The following GNB1L variants were observed in gnomAD, a reference collection of about 807,000 sequenced individuals.
GNB1L encodes the protein G protein subunit beta 1 like.
GNB1L carries 20 observed loss-of-function variants against 29.1 expected under a neutral mutation model. The observed-to-expected ratio is 0.69, with a 90% CI of 0.48 to 1.00. GNB1L has a LOEUF of 1.00. Among genes scored for constraint, GNB1L ranks in the 50% least tolerant of loss-of-function variants. GNB1L has a pLI of 0.00. For missense variants in GNB1L, 421 were observed against 464.9 expected, an observed-to-expected ratio of 0.91 and a Z score of 0.87; for synonymous variants, 193 against 206.5, an observed-to-expected ratio of 0.93 and a Z score of 0.56.
intron 2 of GNB1L, among the ~76,000 whole-genome samples, chr22:19,829,510 T>A (rs541104657): frequency 3.9e-5 from 6 of 152,188 alleles, no homozygotes. Flanking sequence ...TGAAAAATAC[T>A]ACGTACCAAT....
chr22:19,848,815 TC>T (rs1343962536), intron 2 of GNB1L: 6 of 985,218 alleles, frequency 6.1e-6, no homozygotes, highest in Non-Finnish European at 6.0e-6. Context: ...AAGGCAGCAA[TC>T]CCAGGCTGGA....
intron 2 of GNB1L, chr22:19,850,035 C>G (rs981584032): frequency 1.0e-6 from 1 of 985,782 alleles, no homozygotes. Context: ...CTACAGCTCT[C>G]GGAAGTCAGT....
chr22:19,845,260 T>A (rs1937936016), intron 2 of GNB1L, among the ~76,000 whole-genome samples: 1 of 152,202 alleles, frequency 6.6e-6, no homozygotes, highest in African/African-American at 2.4e-5. Flanking sequence ...CTTGCCCACA[T>A]CCACAGACAT....
intron 2 of GNB1L, among the ~76,000 whole-genome samples, chr22:19,829,498 A>T (rs57622806): frequency 0.015 from 2,300 of 152,300 alleles, 50 homozygotes; most frequent in African/African-American, 0.051. Context: ...ATTTTTTTAA[A>T]ATGAAAAATA....
intron 5 of GNB1L, among the ~76,000 whole-genome samples, chr22:19,810,270 C>A (rs1045281829): frequency 1.3e-5 from 2 of 152,108 alleles, no homozygotes; most frequent in Non-Finnish European, 2.9e-5. Context: ...ACACAGTCCC[C>A]AACCAAGGAA....
chr22:19,820,912 C>T (rs532014981), intron 3 of GNB1L, among the ~76,000 whole-genome samples, 189 bp from the exon 4 acceptor site: 5 of 152,170 alleles, frequency 3.3e-5, no homozygotes, highest in South Asian at 2.1e-4. Flanking sequence ...GAGAGGGGAC[C>T]GGGGGACCCT....
intron 2 of GNB1L, among the ~76,000 whole-genome samples, chr22:19,840,043 AAC>A (rs1327052899): frequency 6.7e-6 from 1 of 150,150 alleles, no homozygotes; most frequent in Non-Finnish European, 1.5e-5. Flanking sequence ...CAGCCTAGGC[AAC>A]ACAGCAAGAT....
At position 19,792,897 on chromosome 22, in the gene GNB1L, G is replaced by C; in HGVS notation, c.733-3937C>G. Reference sequence around the variant, plus strand: ...AGTCCACAGGAAGACCTGCACCACTGTCACCTTCACATAGGTGAACTCGGA... The same window carrying C: ...AGTCCACAGGAAGACCTGCACCACTCTCACCTTCACATAGGTGAACTCGGA... On this transcript the variant is annotated intron_variant, in intron 7 of 7. Transcript: ENST00000329517. 3 of 1,160,974 alleles carry C rather than the reference G, an allele frequency of 2.6e-6. No individual in the cohort carries two copies. In the Admixed American group the frequency reaches 5.1e-5, roughly 20 times the overall value. 71.9% of individuals were successfully genotyped at this position (1,160,974 alleles called of 1,614,324 possible).
At chr22:19,819,486 T>C (rs747077194) in intron 4 of GNB1L, among the ~76,000 whole-genome samples, 12 of 152,022 alleles carry the variant, frequency 7.9e-5, no homozygotes, top group African/African-American at 2.9e-4. Context: ...GACACTGCAA[T>C]GGGGACACAG....
rs999701855 is a variant in GNB1L at position 19,787,913 on chromosome 22, CTG to C, written c.*794_*795del. The C allele has an allele frequency of 2.0e-5, 3 of 152,686 alleles. No individual in the cohort carries two copies. The highest frequency in any genetic ancestry group is 7.2e-5 in the African/African-American group (3 of 41,478). 9.5% of individuals were successfully genotyped at this position (152,686 alleles called of 1,614,324 possible). A position where few individuals can be genotyped will look rare whatever the true frequency, so the allele number is the denominator to read the frequency against. On this transcript the variant is annotated 3_prime_UTR_variant, in exon 8 of 8. Coordinates refer to ENST00000329517, the MANE Select transcript of GNB1L (RefSeq NM_053004.3). Reference sequence around the variant, plus strand: ...GGGGCCACCCTGTGTGCAGCCGCAGCTGTGACTGTGGCCTTGGCCACTGTGAG... The same window carrying C: ...GGGGCCACCCTGTGTGCAGCCGCAGCTGACTGTGGCCTTGGCCACTGTGAG...
intron 4 of GNB1L, among the ~76,000 whole-genome samples, chr22:19,815,511 A>G (rs1010047035): frequency 6.6e-6 from 1 of 152,210 alleles, no homozygotes; most frequent in Non-Finnish European, 1.5e-5. Flanking sequence ...GTGGCTGCAC[A>G]CCACGCTCAT....
At chr22:19,840,906 C>T (rs1937849891) in intron 2 of GNB1L, among the ~76,000 whole-genome samples, 1 of 152,144 alleles carries the variant, frequency 6.6e-6, no homozygotes, top group Non-Finnish European at 1.5e-5. Flanking sequence ...TCAGTCTAAT[C>T]GTGAGAAGAA....
chr22:19,849,318 A>G (rs1938037428), intron 2 of GNB1L: 1 of 976,120 alleles, frequency 1.0e-6, no homozygotes, highest in South Asian at 4.8e-5. Flanking sequence ...GATAGTTACC[A>G]TAAAATAATC....
chr22:19,844,517 G>A (rs986152198), intron 2 of GNB1L, among the ~76,000 whole-genome samples: 3 of 152,260 alleles, frequency 2.0e-5, no homozygotes, highest in African/African-American at 7.2e-5. Context: ...AGGCGCTGAG[G>A]CTGCAAGTCA....
At chr22:19,805,041 C>T (rs1004729861) in intron 6 of GNB1L, among the ~76,000 whole-genome samples, 1 of 152,168 alleles carries the variant, frequency 6.6e-6, no homozygotes. Flanking sequence ...GCACATGGAG[C>T]CCAGTGACCC....
chr22:19,833,621 T>C (rs1031428535), intron 2 of GNB1L, among the ~76,000 whole-genome samples: 1 of 152,130 alleles, frequency 6.6e-6, no homozygotes, highest in Non-Finnish European at 1.5e-5. Flanking sequence ...CCCAACACTT[T>C]GGGAGGCTGA....
At chr22:19,805,714 G>A (rs1266781493) in intron 6 of GNB1L, among the ~76,000 whole-genome samples, 4 of 152,118 alleles carry the variant, frequency 2.6e-5, no homozygotes, top group South Asian at 2.1e-4. Flanking sequence ...CCCAGGAAGC[G>A]GAGCTTGCAG....
At chr22:19,821,201 C>A in intron 3 of GNB1L, 27 bp downstream of exon 3, 1 of 1,596,646 alleles carries the variant, frequency 6.3e-7, no homozygotes, top group Non-Finnish European at 8.5e-7. Flanking sequence ...CCCTGGGTGG[C>A]CTGGGGCTGG....
intron 7 of GNB1L, among the ~76,000 whole-genome samples, chr22:19,791,038 C>T (rs1022179690): frequency 6.6e-6 from 1 of 152,194 alleles, no homozygotes; most frequent in Non-Finnish European, 1.5e-5. Flanking sequence ...CAAGACCAGC[C>T]TGGGCAACAT....
Sources: allele counts gnomAD v4.1 joint callset (sites outside exome capture counted in the v4.1 genomes callset), GRCh38; gene constraint gnomAD v4.1.1; transcripts MANE v1.5; gene names NCBI Gene and HGNC (gene_info 2026-07-23, HGNC 2026-07-21).